Variants in SIRT1 observed in about 807,000 individuals in gnomAD.
SIRT1 encodes NAD-dependent protein deacetylase sirtuin-1.
A neutral mutation model predicts 67.9 loss-of-function variants in SIRT1; 24 were observed. That is an observed-to-expected ratio of 0.35 (90% CI 0.26 to 0.50). The LOEUF (loss-of-function observed/expected upper bound fraction) is 0.50, where lower values mean the gene tolerates loss of function less well. SIRT1 is among the 20% of genes least tolerant of loss of function. SIRT1 has a pLI of 0.98. For missense variants in SIRT1, 873 were observed against 937.2 expected (o/e 0.93, Z 0.89); for synonymous variants, 378 against 350.7 (o/e 1.08, Z -0.87).
intron 4 of SIRT1, among the ~76,000 whole-genome samples, chr10:67,895,459 G>A (rs1351655269): frequency 6.6e-6 from 1 of 152,088 alleles, no homozygotes; most frequent in African/African-American, 2.4e-5. Context: ...AAATATTGTC[G>A]ATATTTTACT....
intron 4 of SIRT1, among the ~76,000 whole-genome samples, chr10:67,905,236 T>C (rs567436565): frequency 1.2e-4 from 18 of 152,316 alleles, no homozygotes; most frequent in Non-Finnish European, 2.1e-4. Flanking sequence ...ATCTCTCAAA[T>C]GTAAATGTAC....
Position 67,888,935 on chromosome 10 carries a change from A to G in SIRT1, c.601A>G (p.Ile201Val). Residue 201 changes from isoleucine (I) to valine (V), a missense_variant, in exon 3 of 9, where the codon ATT becomes GTT. By Grantham distance (29) the Ile-to-Val change is conservative. Transcript: ENST00000212015. ...HLMIGTDPRT[I>V]LKDLLPETIP... The stretch of plus-strand genomic sequence containing the variant: ...TATGATTGGCACAGATCCTCGAACA[A>G]TTCTTAAAGATTTATTGCCGGAAAC... The G allele has an allele frequency of 1.2e-6, 2 of 1,613,970 alleles. No homozygotes were observed. Among genetic ancestry groups the G allele is most frequent in the Non-Finnish European group, 8.5e-7 (1 of 1,179,928 alleles).
intron 4 of SIRT1, among the ~76,000 whole-genome samples, chr10:67,900,887 T>G (rs1303129241): frequency 1.3e-5 from 2 of 152,240 alleles, no homozygotes; most frequent in African/African-American, 4.8e-5. Context: ...TCTTTTCTTT[T>G]GATTTACCTT....
At position 67,909,461 on chromosome 10, in the gene SIRT1, T is replaced by C; in HGVS notation, c.1357+19T>C. 6.3e-7 allele frequency: 1 copy of C among 1,587,614 alleles called. No individual in the cohort carries two copies. Among genetic ancestry groups the C allele is most frequent in the Non-Finnish European group, 8.6e-7 (1 of 1,168,846 alleles). ...ATTCCAAGTAAGTTGGTGATGGTTT[T>C]TGGAGAACATTTCTATATATAATGT... On this transcript the variant is annotated intron_variant, in intron 7 of 8. Transcript: ENST00000212015.
intron 3 of SIRT1, 47 bp from the exon 4 acceptor site, chr10:67,891,355 T>A (rs1166403606): frequency 6.3e-7 from 1 of 1,575,218 alleles, no homozygotes; most frequent in Non-Finnish European, 8.7e-7. Flanking sequence ...CTAGTTCCTA[T>A]AAAGGTAGAA....
chr10:67,915,799 T>A (rs1165236996), intron 8 of SIRT1, among the ~76,000 whole-genome samples: 1 of 152,350 alleles, frequency 6.6e-6, no homozygotes, highest in African/African-American at 2.4e-5. Context: ...CAAATCTTTT[T>A]AAAATAATTG....
chr10:67,914,507 T>C (rs1349228455), intron 8 of SIRT1, among the ~76,000 whole-genome samples: 1 of 152,154 alleles, frequency 6.6e-6, no homozygotes, highest in African/African-American at 2.4e-5. Flanking sequence ...GATGCTTACG[T>C]TTGCAAATCG....
intron 1 of SIRT1, among the ~76,000 whole-genome samples, chr10:67,886,218 G>GC: frequency 6.6e-6 from 1 of 151,838 alleles, no homozygotes; most frequent in Non-Finnish European, 1.5e-5. Flanking sequence ...TGGGATTACA[G>GC]GCGTGAGCCA....
At chr10:67,898,725 A>G (rs925157336) in intron 4 of SIRT1, among the ~76,000 whole-genome samples, 56 of 152,178 alleles carry the variant, frequency 3.7e-4, no homozygotes, top group Non-Finnish European at 7.2e-4. Context: ...AGTCCCAGCA[A>G]CTCAGGAGGG....
chr10:67,905,125 T>TAA (rs1842801963), intron 4 of SIRT1, among the ~76,000 whole-genome samples: 1 of 152,192 alleles, frequency 6.6e-6, no homozygotes, highest in Non-Finnish European at 1.5e-5. Flanking sequence ...TGCTTACTAT[T>TAA]ATAGGTCCTA....
In SIRT1 at chr10:67,898,051, A is replaced by G. The variant is rs575642347; in HGVS notation, c.942+6497A>G. On this transcript the variant is annotated intron_variant, in intron 4 of 8. Coordinates refer to ENST00000212015, the MANE Select transcript of SIRT1 (RefSeq NM_012238.5). ...TTTGGGAGGCCACAGCGGGCGGTCA[A>G]AAGTTTGAGACCAGCCTGACCAACA... is the stretch of plus-strand genomic sequence containing the variant. 2.6e-3 allele frequency among the ~76,000 whole-genome samples: 383 copies of G among 149,664 alleles called. 1 individual carries two copies. Among genetic ancestry groups the G allele is most frequent in the African/African-American group, 8.6e-3 (353 of 40,994 alleles).
chr10:67,885,215 G>C, intron 1 of SIRT1, 64 bp downstream of exon 1: 1 of 1,275,416 alleles, frequency 7.8e-7, no homozygotes. Flanking sequence ...GCTCCTACTG[G>C]CCTGAGGTTG....
At chr10:67,888,827 T>C (rs1842526308) in intron 2 of SIRT1, 55 bp from the exon 3 acceptor site, 1 of 1,492,914 alleles carries the variant, frequency 6.7e-7, no homozygotes, top group African/African-American at 1.4e-5. Context: ...AGAAAATAAA[T>C]GAGATTTTGA....
At chr10:67,886,794 T>TA (rs896729794) in intron 1 of SIRT1, among the ~76,000 whole-genome samples, 4 of 152,300 alleles carry the variant, frequency 2.6e-5, no homozygotes, top group Admixed American at 2.6e-4. Context: ...GTCCATTTAT[T>TA]ACACGTTTCA....
At chr10:67,904,844 CAAAAAAAAA>C (rs34104914) in intron 4 of SIRT1, among the ~76,000 whole-genome samples, 4 of 127,320 alleles carry the variant, frequency 3.1e-5, no homozygotes, top group East Asian at 6.7e-4. Flanking sequence ...AACTCTGTCT[CAAAAAAAAA>C]AAAAAAAGCA....
At chr10:67,890,480 C>T (rs563943729) in intron 3 of SIRT1, among the ~76,000 whole-genome samples, 10 of 152,204 alleles carry the variant, frequency 6.6e-5, no homozygotes, top group African/African-American at 2.2e-4. Flanking sequence ...TGGAGTGGCT[C>T]ATGCATGTAA....
At chr10:67,885,405 G>C (rs1842460761) in intron 1 of SIRT1, 1 of 1,228,732 alleles carries the variant, frequency 8.1e-7, no homozygotes, top group Non-Finnish European at 1.0e-6. Context: ...GCCAGGTCGG[G>C]AGACTCTCGC....
Position 67,913,034 on chromosome 10 carries a change from AAGAAAG to A in SIRT1, c.1915+4_1915+9del. ...GCAGATTAGTAGGCGGCTTGATGGT[AAGAAAG>A]GCAGTCGGACCATTTTGAAAGTATA... On this transcript the variant is annotated splice_donor_5th_base_variant and intron_variant, in intron 8 of 8. Coordinates refer to ENST00000212015, the MANE Select transcript of SIRT1 (RefSeq NM_012238.5). 6.3e-7 allele frequency: 1 copy of A among 1,586,184 alleles called. No individual in the cohort carries two copies. The highest frequency in any genetic ancestry group is 8.5e-7 in the Non-Finnish European group (1 of 1,170,708).
chr10:67,913,510 T>A (rs1167548419), intron 8 of SIRT1, among the ~76,000 whole-genome samples: 1 of 152,230 alleles, frequency 6.6e-6, no homozygotes, highest in Non-Finnish European at 1.5e-5. Context: ...TGCGGTGTTG[T>A]CTCAGATGTA....
Sources: gnomAD v4.1 joint callset for allele counts (sites outside exome capture counted in the v4.1 genomes callset) on GRCh38, gnomAD v4.1.1 for gene constraint, MANE v1.5 for transcripts, NCBI Gene and HGNC (gene_info 2026-07-23, HGNC 2026-07-21) for gene names.